SLC7A8: variants seen among roughly 807,000 people sequenced by gnomAD.
SLC7A8 encodes large neutral amino acids transporter small subunit 2.
A neutral mutation model predicts 51.2 loss-of-function variants in SLC7A8; 30 were observed. That is an observed-to-expected ratio of 0.59 (90% CI 0.44 to 0.80). SLC7A8 has a LOEUF of 0.80. SLC7A8 is among the 30% of genes least tolerant of loss of function. The probability of loss-of-function intolerance (pLI) is 0.00; values close to 1 mark genes in which losing one functional copy is unlikely to be tolerated. For synonymous variants in SLC7A8, 257 were observed against 275.8 expected (o/e 0.93, Z 0.67); for missense variants, 612 against 674.4 (o/e 0.91, Z 1.03).
intron 3 of SLC7A8, among the ~76,000 whole-genome samples, chr14:23,158,458 A>G (rs560275117): frequency 5.3e-5 from 8 of 152,106 alleles, no homozygotes; most frequent in East Asian, 3.9e-4. Context: ...TGATTCTCCT[A>G]CCTCAGCCTC....
intron 1 of SLC7A8, among the ~76,000 whole-genome samples, chr14:23,181,065 G>T (rs528954694): frequency 6.6e-6 from 1 of 152,114 alleles, no homozygotes; most frequent in Non-Finnish European, 1.5e-5. Context: ...ATTGGGAAGG[G>T]CGAGCCAGGC....
chr14:23,133,316 CTGT>C (rs1203048672), intron 7 of SLC7A8, among the ~76,000 whole-genome samples: 1 of 151,632 alleles, frequency 6.6e-6, no homozygotes, highest in Non-Finnish European at 1.5e-5. Context: ...TGGCATGTGC[CTGT>C]TGTTCTAATT....
rs200751760 is a variant in SLC7A8, at chr14:23,127,081, A to G, written c.*96T>C. On this transcript the variant is annotated 3_prime_UTR_variant, in exon 11 of 11. Coordinates refer to ENST00000316902, the MANE Select transcript of SLC7A8 (RefSeq NM_012244.4). ...ACCACTGCCTGACAAAAGCAGAGAG[A>G]GGGGTGTGTGTGTACTCGCATGTGT... is the stretch of plus-strand genomic sequence containing the variant. The G allele has an allele frequency of 1.4e-6, 2 of 1,430,678 alleles. No homozygotes were observed. The highest frequency in any genetic ancestry group is 1.9e-6 in the Non-Finnish European group (2 of 1,032,392). The allele number at this position is 1,430,678 out of a possible 1,614,324, so 88.6% of individuals were successfully genotyped here.
intron 6 of SLC7A8, among the ~76,000 whole-genome samples, chr14:23,138,837 T>C (rs1273718960): frequency 5.9e-5 from 9 of 152,100 alleles, no homozygotes; most frequent in African/African-American, 2.2e-4. Flanking sequence ...TTCTTTACAG[T>C]CTTTTGAGAT....
At chr14:23,178,950 A>G (rs575225970) in intron 1 of SLC7A8, among the ~76,000 whole-genome samples, 11 of 150,418 alleles carry the variant, frequency 7.3e-5, no homozygotes, top group Non-Finnish European at 1.2e-4. Context: ...CTGGCTTGAA[A>G]CTCCTGGGCT....
rs375736304 is a variant in SLC7A8, at chr14:23,182,951, C to T, written c.-37G>A. On this transcript the variant is annotated 5_prime_UTR_variant, in exon 1 of 11. Transcript: ENST00000316902. The stretch of plus-strand genomic sequence containing the variant: ...GGATTGCAACCTCAAAAGCTGCCTC[C>T]CTTTCTAAATGCGTATTCGTGTAAA... 7 of 1,613,666 alleles carry T rather than the reference C, an allele frequency of 4.3e-6. No individual in the cohort carries two copies. Among genetic ancestry groups the T allele is most frequent in the South Asian group, 1.1e-5 (1 of 91,068 alleles).
rs867121311 is a variant in SLC7A8, at chr14:23,165,397, G to C, written c.396C>G (p.Pro132=). Residue 132 remains proline, a synonymous_variant, in exon 3 of 11, where the codon CCC becomes CCG. Transcript: ENST00000316902. This position sits in a 1 kb window ranked among gnomAD's most constrained non-coding sequence, Gnocchi z 4.2. ...TGAGGGCGATGACAGCCTGGTTGGT[G>C]GGGTAGATCACCAGCACAGCAATCC... ...RLWIAVLVIY[P]TNQAVIALTF... is the part of the protein sequence containing the mutation. The C allele has an allele frequency of 6.3e-7, 1 of 1,598,148 alleles. No individual in the cohort carries two copies. Among genetic ancestry groups the C allele is most frequent in the East Asian group, 2.3e-5 (1 of 43,204 alleles).
At chr14:23,177,689 G>A (rs529221932) in intron 1 of SLC7A8, among the ~76,000 whole-genome samples, 10 of 152,306 alleles carry the variant, frequency 6.6e-5, no homozygotes, top group Non-Finnish European at 1.3e-4. Context: ...GGTCCATAAA[G>A]GAAAGGTGTG....
At chr14:23,154,262 T>C in intron 3 of SLC7A8, 2 of 1,000,338 alleles carry the variant, frequency 2.0e-6, no homozygotes, top group Non-Finnish European at 2.4e-6. Context: ...GCCTCACCTT[T>C]TGCTGGGGCG....
At chr14:23,145,337 G>A (rs2048783398) in intron 3 of SLC7A8, among the ~76,000 whole-genome samples, 1 of 151,392 alleles carries the variant, frequency 6.6e-6, no homozygotes, top group Admixed American at 6.6e-5. Context: ...GACCAGTCTG[G>A]CTAACACAGT....
chr14:23,129,011 C>T (rs1464398227), intron 9 of SLC7A8, among the ~76,000 whole-genome samples: 2 of 152,180 alleles, frequency 1.3e-5, no homozygotes, highest in African/African-American at 4.8e-5. Context: ...CTCTGGAGTA[C>T]ACTCTATTCT....
At chr14:23,130,146 A>C (rs1445488191) in intron 8 of SLC7A8, 1 of 199,300 alleles carries the variant, frequency 5.0e-6, no homozygotes, top group African/African-American at 2.3e-5. Flanking sequence ...TGTTGGTTAT[A>C]GCTCAAGCTA....
chr14:23,147,271 T>C (rs1040106810), intron 3 of SLC7A8, among the ~76,000 whole-genome samples: 7 of 152,216 alleles, frequency 4.6e-5, no homozygotes, highest in Non-Finnish European at 1.0e-4. Flanking sequence ...CCGTCATTCA[T>C]GCAGGGCCTA....
Position 23,127,355 on chromosome 14 carries a change from G to C in SLC7A8, c.1442-12C>G. ...CAGGGTTAGCAGCTCTGTAGGAAGA[G>C]ATCACACAGAAACCAGGCCAATGCT... On this transcript the variant is annotated splice_polypyrimidine_tract_variant and intron_variant, in intron 10 of 10. Transcript: ENST00000316902. The C allele has an allele frequency of 6.2e-7, 1 of 1,612,530 alleles. No individual in the cohort carries two copies.
At chr14:23,133,990 G>C (rs1298498199) in intron 7 of SLC7A8, among the ~76,000 whole-genome samples, 1 of 151,782 alleles carries the variant, frequency 6.6e-6, no homozygotes, top group African/African-American at 2.4e-5. Context: ...GCCCAGGCTG[G>C]AGTGCAGTAG....
At chr14:23,139,595 C>T (rs186857467) in intron 5 of SLC7A8, 48 bp from the exon 6 acceptor site, 84 of 1,586,332 alleles carry the variant, frequency 5.3e-5, no homozygotes, top group East Asian at 1.6e-4. Context: ...CCGGGACACC[C>T]GCCTTGCCAT....
At position 23,173,543 on chromosome 14, in the gene SLC7A8, C is replaced by T. The variant is rs147510759; in HGVS notation, c.152-7003G>A. The stretch of plus-strand genomic sequence containing the variant: ...GGGAACCACTAATCATCAATGGTTC[C>T]CCCCATTCTACAACATACTGATGCA... On this transcript the variant is annotated intron_variant, in intron 1 of 10. Coordinates refer to ENST00000316902, the MANE Select transcript of SLC7A8 (RefSeq NM_012244.4). 9.2e-5 allele frequency among the ~76,000 whole-genome samples: 14 copies of T among 152,280 alleles called. No homozygotes were observed. The East Asian group carries it at 2.7e-3, about 29-fold the overall frequency.
At chr14:23,145,544 A>G (rs2048786731) in intron 3 of SLC7A8, among the ~76,000 whole-genome samples, 2 of 149,196 alleles carry the variant, frequency 1.3e-5, no homozygotes, top group South Asian at 2.1e-4. Flanking sequence ...AAAGAAAAAA[A>G]AATTTTTTTT....
chr14:23,131,442 C>A lies in SLC7A8; in HGVS notation c.1113+19G>T, dbSNP rs1159757211. The A allele has an allele frequency of 3.2e-6, 5 of 1,554,322 alleles. No individual in the cohort carries two copies. Among genetic ancestry groups the A allele is most frequent in the Non-Finnish European group, 4.4e-6 (5 of 1,149,168 alleles). ...AGAGAGGGAGGTGTGTGGAGAGTTACAGCAGGAAGGGCCCTTACTGTGAAG... is the reference window on the plus strand; with the variant it reads ...AGAGAGGGAGGTGTGTGGAGAGTTAAAGCAGGAAGGGCCCTTACTGTGAAG... On this transcript the variant is annotated intron_variant, in intron 8 of 10. Coordinates refer to ENST00000316902, the MANE Select transcript of SLC7A8 (RefSeq NM_012244.4).
Sources: allele counts gnomAD v4.1 joint callset (sites outside exome capture counted in the v4.1 genomes callset), GRCh38; gene constraint gnomAD v4.1.1; non-coding constraint Gnocchi (gnomAD v3.1); transcripts MANE v1.5; gene names NCBI Gene and HGNC (gene_info 2026-07-23, HGNC 2026-07-21).